ERBB4: variants seen among roughly 807,000 people sequenced by gnomAD.
ERBB4 encodes the protein erb-b2 receptor tyrosine kinase 4, also known as receptor tyrosine-protein kinase erbB-4.
ERBB4 carries 42 observed loss-of-function variants against 158.0 expected under a neutral mutation model. The ratio of observed to expected loss-of-function variants is 0.27; its 90% CI spans 0.21 to 0.34. The LOEUF is 0.34. Ranked by LOEUF, ERBB4 falls within the 10% of genes least tolerant of loss-of-function variation. The pLI, the probability that ERBB4 is intolerant of heterozygous loss-of-function variation, is 1.00. For synonymous variants in ERBB4, 583 were observed against 558.7 expected (o/e 1.04, Z -0.61); for missense variants, 1,333 against 1,624.1 (o/e 0.82, Z 3.08).
chr2:212,525,144 G>C (rs1489306062), intron 1 of ERBB4, among the ~76,000 whole-genome samples: 1 of 151,776 alleles, frequency 6.6e-6, no homozygotes, highest in Non-Finnish European at 1.5e-5. Context: ...CCTACACAAG[G>C]GTTTACGGAA....
At chr2:211,946,221 A>G (rs1641477163) in intron 3 of ERBB4, among the ~76,000 whole-genome samples, 1 of 152,026 alleles carries the variant, frequency 6.6e-6, no homozygotes, top group African/African-American at 2.4e-5. Context: ...AAATAACACA[A>G]TCAGTATTCC....
At chr2:211,952,792 G>T (rs1020920550) in intron 2 of ERBB4, among the ~76,000 whole-genome samples, 1 of 151,888 alleles carries the variant, frequency 6.6e-6, no homozygotes, top group African/African-American at 2.4e-5. Context: ...CTGGCAAATA[G>T]TAAGTATTTA....
intron 1 of ERBB4, among the ~76,000 whole-genome samples, chr2:212,298,940 T>C (rs577477980): frequency 3.3e-5 from 5 of 151,896 alleles, no homozygotes; most frequent in African/African-American, 4.8e-5. Flanking sequence ...ATGTATTATA[T>C]AGCAAGTTCT....
At chr2:212,134,220 T>G (rs549584281) in intron 1 of ERBB4, among the ~76,000 whole-genome samples, 2 of 152,242 alleles carry the variant, frequency 1.3e-5, no homozygotes, top group East Asian at 3.9e-4. Flanking sequence ...TAGGGTAAAT[T>G]ATTGATAAAT....
chr2:212,401,946 C>T (rs963245255), intron 1 of ERBB4, among the ~76,000 whole-genome samples: 14 of 152,176 alleles, frequency 9.2e-5, no homozygotes, highest in African/African-American at 3.4e-4. Context: ...AATAGCATGG[C>T]TACTCTGGAA....
intron 20 of ERBB4, among the ~76,000 whole-genome samples, chr2:211,551,186 C>T (rs1408190179): frequency 6.6e-6 from 1 of 152,180 alleles, no homozygotes; most frequent in Non-Finnish European, 1.5e-5. Context: ...GGTAGAGTCA[C>T]TGAAGCTATT....
At chr2:212,343,670 A>G (rs1307080010) in intron 1 of ERBB4, among the ~76,000 whole-genome samples, 2 of 152,156 alleles carry the variant, frequency 1.3e-5, no homozygotes, top group Admixed American at 6.5e-5. Flanking sequence ...AAATCATAAC[A>G]TTAGTATTAT....
In ERBB4 at chr2:212,274,035, A is replaced by G. The variant is rs1468560483; in HGVS notation, c.83-149132T>C. 2.0e-5 allele frequency among the ~76,000 whole-genome samples: 3 copies of G among 151,848 alleles called. No homozygotes were observed. The East Asian group carries it at 5.8e-4, about 29-fold the overall frequency. ...AACAGTAGATTAACATATATTTTGC[A>G]TGTTACATGTGTTACATACTATATT... is the stretch of plus-strand genomic sequence containing the variant. On this transcript the variant is annotated intron_variant, in intron 1 of 27. Coordinates refer to ENST00000342788, the MANE Select transcript of ERBB4 (RefSeq NM_005235.3).
At chr2:211,501,535 G>A (rs2065616399) in intron 20 of ERBB4, among the ~76,000 whole-genome samples, 1 of 151,080 alleles carries the variant, frequency 6.6e-6, no homozygotes, top group African/African-American at 2.4e-5. Context: ...TGATTTGCTT[G>A]TGTGTTTTTT....
chr2:211,807,671 G>T (rs1215263307), intron 3 of ERBB4, among the ~76,000 whole-genome samples: 2 of 152,188 alleles, frequency 1.3e-5, no homozygotes, highest in African/African-American at 4.8e-5. Context: ...TAATGGGATT[G>T]TTGGGTCAAA....
chr2:211,776,956 C>T (rs915669009), intron 4 of ERBB4, among the ~76,000 whole-genome samples: 2 of 152,070 alleles, frequency 1.3e-5, no homozygotes, highest in East Asian at 1.9e-4. Flanking sequence ...TTGGAGCGTT[C>T]GTGGTTAAAA....
intron 22 of ERBB4, among the ~76,000 whole-genome samples, chr2:211,425,913 G>A (rs191442902): frequency 2.6e-5 from 4 of 152,102 alleles, no homozygotes; most frequent in Non-Finnish European, 5.9e-5. Context: ...CAAACTCCTG[G>A]GTTTGAGCCA....
intron 3 of ERBB4, among the ~76,000 whole-genome samples, chr2:211,909,735 T>A (rs962818790): frequency 1.3e-5 from 2 of 151,724 alleles, no homozygotes; most frequent in African/African-American, 2.4e-5. Context: ...GGCACATGAC[T>A]GTATGTGTGT....
chr2:211,822,302 C>T (rs1276519332), intron 3 of ERBB4, among the ~76,000 whole-genome samples: 2 of 151,698 alleles, frequency 1.3e-5, no homozygotes, highest in Admixed American at 6.6e-5. Flanking sequence ...ATATTGAATG[C>T]TCCCTACACA....
At chr2:211,750,574 A>G (rs1240914986) in intron 5 of ERBB4, 65 bp downstream of exon 5, 3 of 1,360,524 alleles carry the variant, frequency 2.2e-6, no homozygotes, top group African/African-American at 1.4e-5. Context: ...GAGGCATGAA[A>G]TGGACCAATC....
chr2:211,431,655 T>C lies in ERBB4; in HGVS notation c.2488-555A>G, dbSNP rs187440784. 2.9e-3 allele frequency among the ~76,000 whole-genome samples: 436 copies of C among 152,290 alleles called. 1 individual carries two copies. The highest frequency in any genetic ancestry group is 7.5e-3 in the Admixed American group (115 of 15,300). On this transcript the variant is annotated intron_variant, in intron 20 of 27. Transcript: ENST00000342788. Reference sequence around the variant, plus strand: ...CTTATTAATCATGCACAGAATGAAGTATATACCCTAGCAGTCTTACAAACC... The same window carrying C: ...CTTATTAATCATGCACAGAATGAAGCATATACCCTAGCAGTCTTACAAACC...
chr2:212,424,846 A>G (rs181823171), intron 1 of ERBB4, among the ~76,000 whole-genome samples: 1 of 152,092 alleles, frequency 6.6e-6, no homozygotes, highest in South Asian at 2.1e-4. Flanking sequence ...AAAGCCTTTT[A>G]CTTATCTTCA....
chr2:211,725,780 C>T (rs7556896), intron 5 of ERBB4, among the ~76,000 whole-genome samples: 33,098 of 147,782 alleles, frequency 0.22, 4,425 homozygotes, highest in Non-Finnish European at 0.31. Flanking sequence ...AAAAGGGACA[C>T]ATAAATGTTA....
intron 3 of ERBB4, among the ~76,000 whole-genome samples, chr2:211,887,569 T>C (rs2106170569): frequency 6.6e-6 from 1 of 152,326 alleles, no homozygotes; most frequent in East Asian, 1.9e-4. Context: ...TTTTCAATTA[T>C]TTTTCCTAAT....
Sources: allele counts gnomAD v4.1 joint callset (sites outside exome capture counted in the v4.1 genomes callset), GRCh38; gene constraint gnomAD v4.1.1; transcripts MANE v1.5; gene names NCBI Gene and HGNC (gene_info 2026-07-23, HGNC 2026-07-21).